The following KATNAL2 variants were observed in gnomAD, a reference collection of about 807,000 sequenced individuals.
KATNAL2 encodes the protein katanin catalytic subunit A1 like 2.
In KATNAL2, 52 loss-of-function variants were observed where a neutral mutation model predicts 76.3. The ratio of observed to expected loss-of-function variants is 0.68; its 90% CI spans 0.55 to 0.86. KATNAL2 has a LOEUF of 0.86. KATNAL2 is among the 40% of genes least tolerant of loss of function. The pLI, the probability that KATNAL2 is intolerant of heterozygous loss-of-function variation, is 0.00. For missense variants in KATNAL2, 660 were observed against 668.9 expected (o/e 0.99, Z 0.15); for synonymous variants, 243 against 244.2 (o/e 1.00, Z 0.05).
chr18:46,932,629 G>A (rs554682151), intron 1 of KATNAL2, among the ~76,000 whole-genome samples: 28 of 134,444 alleles, frequency 2.1e-4, no homozygotes, highest in Admixed American at 1.1e-3. Flanking sequence ...AGCCGAGATC[G>A]TGCCACTGCA....
chr18:47,099,244 G>C lies in KATNAL2; in HGVS notation c.1213G>C (p.Glu405Gln), dbSNP rs1318054643. The C allele has an allele frequency of 6.2e-7, 1 of 1,611,764 alleles. No homozygotes were observed. Among genetic ancestry groups the C allele is most frequent in the African/African-American group, 1.3e-5 (1 of 74,910 alleles). Reference sequence around the variant, plus strand: ...GCTCCATTTCTGGTGTGATTTCAGGGAGCTGGACTGTGCCATGTTACGCCG... The same window carrying C: ...GCTCCATTTCTGGTGTGATTTCAGGCAGCTGGACTGTGCCATGTTACGCCG... ...FVLAASNLPW[E>Q]LDCAMLRRLE... Residue 405 changes from glutamate (E) to glutamine (Q), a missense_variant and splice_region_variant, in exon 16 of 18, where the codon GAG (glutamate) becomes CAG (glutamine). Glu to Gln is a conservative substitution (Grantham distance 29). Coordinates refer to ENST00000683218, the MANE Select transcript of KATNAL2 (RefSeq NM_001387690.1).
At position 46,946,391 on chromosome 18, in the gene KATNAL2, C is replaced by G. The variant is rs1397258683; in HGVS notation, c.-175C>G. 1.9e-6 allele frequency: 2 copies of G among 1,033,068 alleles called. No individual in the cohort carries two copies. The highest frequency in any genetic ancestry group is 1.8e-4 in the East Asian group (2 of 11,014). The allele number at this position is 1,033,068 out of a possible 1,614,324, so 64.0% of individuals were successfully genotyped here. A position where few individuals can be genotyped will look rare whatever the true frequency, so the allele number is the denominator to read the frequency against. The stretch of plus-strand genomic sequence containing the variant: ...GCAGATTCGTCCAGTCTAGATAGAC[C>G]ATGCACAGAGAATTTCAAAGAAAAG... On this transcript the variant is annotated 5_prime_UTR_variant, in exon 2 of 18. Transcript: ENST00000683218.
intron 3 of KATNAL2, among the ~76,000 whole-genome samples, chr18:46,957,191 G>GT (rs1484690584): frequency 6.7e-6 from 1 of 149,658 alleles, no homozygotes; most frequent in East Asian, 1.9e-4. Context: ...CTGTGAAGGT[G>GT]TTTCGGGGTG....
At chr18:47,059,484 G>T (rs2061567746) in intron 7 of KATNAL2, 72 bp from the exon 8 acceptor site, 1 of 1,014,474 alleles carries the variant, frequency 9.9e-7, no homozygotes, top group Non-Finnish European at 1.6e-6. Flanking sequence ...TTGCTTGATG[G>T]AGTAGGCAGG....
intron 3 of KATNAL2, chr18:47,033,412 C>T (rs2060583231): frequency 3.1e-6 from 5 of 1,614,058 alleles, no homozygotes; most frequent in Admixed American, 1.7e-5. Flanking sequence ...TACTCTCAGC[C>T]GCTGCTCTGG....
chr18:46,937,512 G>A (rs922317419), intron 1 of KATNAL2, among the ~76,000 whole-genome samples: 1 of 151,672 alleles, frequency 6.6e-6, no homozygotes, highest in Non-Finnish European at 1.5e-5. Context: ...TAAAGTATGG[G>A]CTTTAGTTAA....
chr18:47,066,084 C>CT (rs1488972309), intron 10 of KATNAL2, among the ~76,000 whole-genome samples: 1 of 151,726 alleles, frequency 6.6e-6, no homozygotes, highest in Non-Finnish European at 1.5e-5. Flanking sequence ...GCACAAACAT[C>CT]TCACCAGCAT....
At chr18:47,085,850 C>T (rs2062748209) in intron 15 of KATNAL2, among the ~76,000 whole-genome samples, 1 of 151,998 alleles carries the variant, frequency 6.6e-6, no homozygotes, top group Non-Finnish European at 1.5e-5. Context: ...TGCTTGTAAT[C>T]CCAGTGTTTT....
intron 1 of KATNAL2, among the ~76,000 whole-genome samples, chr18:46,929,761 A>G (rs1032255814): frequency 1.3e-5 from 2 of 152,102 alleles, no homozygotes; most frequent in Non-Finnish European, 2.9e-5. Flanking sequence ...GAGAAGAAGT[A>G]TGTTTAAATT....
chr18:47,084,614 G>A (rs937334829), intron 15 of KATNAL2, among the ~76,000 whole-genome samples: 11 of 151,920 alleles, frequency 7.2e-5, no homozygotes, highest in South Asian at 2.1e-4. Context: ...TTTGGGAGGC[G>A]GAGGTAGGCA....
chr18:46,934,618 A>G (rs1391286629), intron 1 of KATNAL2, among the ~76,000 whole-genome samples: 1 of 152,144 alleles, frequency 6.6e-6, no homozygotes, highest in Non-Finnish European at 1.5e-5. Context: ...CTCTGATGCT[A>G]GTTTCTTTTG....
chr18:47,052,177 C>T (rs2061357386), intron 4 of KATNAL2, among the ~76,000 whole-genome samples: 2 of 152,194 alleles, frequency 1.3e-5, no homozygotes, highest in Non-Finnish European at 1.5e-5. Context: ...ACAGCCCTTG[C>T]TTCCAGTGCT....
In KATNAL2 at chr18:47,099,420, A is replaced by G; in HGVS notation, c.1374+15A>G. Reference sequence around the variant, plus strand: ...TGCTGAGCCAGGTCAGCTGCCCTGGAGAGGGGCACATGTAGGTCAAGGGCC... The same window carrying G: ...TGCTGAGCCAGGTCAGCTGCCCTGGGGAGGGGCACATGTAGGTCAAGGGCC... On this transcript the variant is annotated intron_variant, in intron 16 of 17. Coordinates refer to ENST00000683218, the MANE Select transcript of KATNAL2 (RefSeq NM_001387690.1). 1.3e-6 allele frequency: 2 copies of G among 1,599,834 alleles called. No individual in the cohort carries two copies. Among genetic ancestry groups the G allele is most frequent in the South Asian group, 1.1e-5 (1 of 89,478 alleles).
At chr18:46,924,738 C>T (rs922900355) in intron 1 of KATNAL2, among the ~76,000 whole-genome samples, 6 of 152,108 alleles carry the variant, frequency 3.9e-5, no homozygotes, top group Non-Finnish European at 7.4e-5. Context: ...TTGTTTGTAT[C>T]CTCTTGTATT....
At chr18:47,099,008 T>C (rs2063364107) in intron 15 of KATNAL2, 1 of 386,362 alleles carries the variant, frequency 2.6e-6, no homozygotes, top group East Asian at 4.1e-5. Flanking sequence ...TCCTTCTCTT[T>C]CTTCTCCTTC....
At chr18:47,035,076 G>T (rs775148920) in intron 3 of KATNAL2, 2 of 1,611,138 alleles carry the variant, frequency 1.2e-6, no homozygotes, top group Non-Finnish European at 1.7e-6. Flanking sequence ...TGGCAAAGTC[G>T]CCCACGTGCT....
chr18:47,059,708 A>G (rs914358737), intron 8 of KATNAL2, 54 bp downstream of exon 8: 1 of 1,212,630 alleles, frequency 8.2e-7, no homozygotes, highest in Non-Finnish European at 1.2e-6. Context: ...TTTTCCTTTT[A>G]AACATGAAAA....
chr18:46,941,039 A>G (rs2059231539), intron 1 of KATNAL2, among the ~76,000 whole-genome samples: 1 of 152,092 alleles, frequency 6.6e-6, no homozygotes, highest in East Asian at 1.9e-4. Flanking sequence ...ACAAACAAAC[A>G]AAAAAACTTA....
chr18:47,063,255 A>C, intron 9 of KATNAL2, 29 bp from the exon 10 acceptor site: 1 of 1,605,620 alleles, frequency 6.2e-7, no homozygotes, highest in East Asian at 2.2e-5. Context: ...GCAATATTGT[A>C]ATGTGAGCCT....
Sources: gnomAD v4.1 joint callset for allele counts (sites outside exome capture counted in the v4.1 genomes callset) on GRCh38, gnomAD v4.1.1 for gene constraint, MANE v1.5 for transcripts, NCBI Gene and HGNC (gene_info 2026-07-23, HGNC 2026-07-21) for gene names.